IRAK3: variants seen among roughly 807,000 people sequenced by gnomAD.
IRAK3 encodes the protein interleukin-1 receptor-associated kinase 3.
Under a neutral mutation model 56.6 loss-of-function variants are expected in IRAK3, and 57 were observed. That is an observed-to-expected ratio of 1.01 (90% CI 0.81 to 1.26). The LOEUF is 1.26. Among genes scored for constraint, IRAK3 ranks in the 50% most tolerant of loss-of-function variants. The probability of loss-of-function intolerance (pLI) is 0.00; values close to 1 mark genes in which losing one functional copy is unlikely to be tolerated. For missense variants in IRAK3, 703 were observed against 719.0 expected, an observed-to-expected ratio of 0.98 and a Z score of 0.25; for synonymous variants, 258 against 255.7, an observed-to-expected ratio of 1.01 and a Z score of -0.09.
intron 6 of IRAK3, among the ~76,000 whole-genome samples, chr12:66,225,215 C>A (rs1325050269): frequency 6.6e-6 from 1 of 152,068 alleles, no homozygotes; most frequent in Non-Finnish European, 1.5e-5. Flanking sequence ...GGAGAACCAA[C>A]CAGGTATACA....
Position 66,195,043 on chromosome 12 carries a change from C to T in IRAK3, c.133+5611C>T, listed in dbSNP as rs2052437917. 1.3e-5 allele frequency among the ~76,000 whole-genome samples: 2 copies of T among 152,148 alleles called. 1 individual carries two copies. The highest frequency in any genetic ancestry group is 2.9e-5 in the Non-Finnish European group (2 of 68,024). On this transcript the variant is annotated intron_variant, in intron 1 of 11. Transcript: ENST00000261233. The stretch of plus-strand genomic sequence containing the variant: ...TTCATCCATCTATTTGCCTATTTGA[C>T]AGACATCTCCAATTTAACAGCTCAG...
chr12:66,229,317 C>T (rs190289325), intron 8 of IRAK3, among the ~76,000 whole-genome samples: 2 of 152,190 alleles, frequency 1.3e-5, no homozygotes, highest in African/African-American at 4.8e-5. Flanking sequence ...AGTAAATACC[C>T]CCTGTCGGTG....
chr12:66,238,132 A>G (rs1410565007), intron 8 of IRAK3, among the ~76,000 whole-genome samples: 1 of 152,182 alleles, frequency 6.6e-6, no homozygotes, highest in Non-Finnish European at 1.5e-5. Context: ...GGACTCAGAT[A>G]AAAATAAAGC....
chr12:66,217,928 A>G (rs2052694609), intron 6 of IRAK3, among the ~76,000 whole-genome samples: 1 of 152,214 alleles, frequency 6.6e-6, no homozygotes, highest in African/African-American at 2.4e-5. Context: ...AAAATAGTAG[A>G]GGCTAATCAT....
Position 66,251,390 on chromosome 12 carries a change from A to C in IRAK3, c.*3219A>C, listed in dbSNP as rs1215463310. 1 of 152,198 alleles carries C rather than the reference A, an allele frequency of 6.6e-6. No homozygotes were observed. Among genetic ancestry groups the C allele is most frequent in the African/African-American group, 2.4e-5 (1 of 41,460 alleles). 9.4% of individuals were successfully genotyped at this position (152,198 alleles called of 1,614,324 possible). On this transcript the variant is annotated 3_prime_UTR_variant, in exon 12 of 12. Transcript: ENST00000261233. The stretch of plus-strand genomic sequence containing the variant: ...TTATAGTTTCATGATGTGGAGACCA[A>C]GATACATAAGAAAGCAAGAATGAGT...
Position 66,197,541 on chromosome 12 carries a change from A to C in IRAK3, c.134-6170A>C, listed in dbSNP as rs2052466596. 3.0e-6 allele frequency: 3 copies of C among 985,310 alleles called. No individual in the cohort carries two copies. In the South Asian group the frequency reaches 1.4e-4, roughly 46 times the overall value. The allele number at this position is 985,310 out of a possible 1,614,324, so 61.0% of individuals were successfully genotyped here. ...ATTAGAGAAAAGCTATTAAGGTTGC[A>C]GTGTGAATCACCAGTTGGAAAAAGA... On this transcript the variant is annotated intron_variant, in intron 1 of 11. Transcript: ENST00000261233.
At chr12:66,194,899 C>T (rs922031254) in intron 1 of IRAK3, among the ~76,000 whole-genome samples, 3 of 151,954 alleles carry the variant, frequency 2.0e-5, no homozygotes, top group Non-Finnish European at 2.9e-5. Context: ...AATGTCTTAG[C>T]GTGCCCCTGG....
At chr12:66,218,707 G>T (rs1053238997) in intron 6 of IRAK3, among the ~76,000 whole-genome samples, 9 of 152,128 alleles carry the variant, frequency 5.9e-5, no homozygotes, top group African/African-American at 2.2e-4. Flanking sequence ...TGTACACATT[G>T]TCTAAAGATC....
intron 1 of IRAK3, 60 bp from the exon 2 acceptor site, chr12:66,203,651 A>T (rs1266855427): frequency 2.1e-6 from 3 of 1,454,524 alleles, no homozygotes; most frequent in Non-Finnish European, 2.9e-6. Flanking sequence ...GGTACACAAA[A>T]ACAAGTATTT....
intron 1 of IRAK3, among the ~76,000 whole-genome samples, chr12:66,193,046 T>C (rs909185728): frequency 6.6e-6 from 1 of 152,156 alleles, no homozygotes; most frequent in African/African-American, 2.4e-5. Context: ...TCGCTCTTGT[T>C]GCCTAGGCTG....
chr12:66,220,815 C>T (rs575208417), intron 6 of IRAK3, among the ~76,000 whole-genome samples: 40 of 152,178 alleles, frequency 2.6e-4, no homozygotes, highest in South Asian at 4.1e-4. Flanking sequence ...CCACCGCGCC[C>T]GGCCTGTTCT....
rs1186571090 is a variant in IRAK3, at chr12:66,252,637, C to G, written c.*4466C>G. 1 of 152,158 alleles carries G rather than the reference C, an allele frequency of 6.6e-6. No individual in the cohort carries two copies. The highest frequency in any genetic ancestry group is 1.5e-5 in the Non-Finnish European group (1 of 68,042). 9.4% of individuals were successfully genotyped at this position (152,158 alleles called of 1,614,324 possible). On this transcript the variant is annotated 3_prime_UTR_variant, in exon 12 of 12. Transcript: ENST00000261233. ...CTGGGGCTACAGTGCAGATGGAAAC[C>G]AGCAAAGCTCACTGCCCTCATGGAG...
At chr12:66,239,512 G>C (rs1221907079) in intron 8 of IRAK3, among the ~76,000 whole-genome samples, 1 of 152,104 alleles carries the variant, frequency 6.6e-6, no homozygotes, top group Admixed American at 6.5e-5. Context: ...TTGGAGCCCA[G>C]CTCAGTGTTT....
chr12:66,218,532 G>A (rs975710523), intron 6 of IRAK3, among the ~76,000 whole-genome samples: 3 of 152,166 alleles, frequency 2.0e-5, no homozygotes, highest in Non-Finnish European at 2.9e-5. Flanking sequence ...TCATATGAGA[G>A]TGCCTGGTTT....
intron 8 of IRAK3, 44 bp from the exon 9 acceptor site, chr12:66,244,442 C>T: frequency 3.6e-6 from 5 of 1,403,966 alleles, no homozygotes; most frequent in Non-Finnish European, 5.1e-6. Flanking sequence ...CACTGAAGTG[C>T]CTTTATGATA....
chr12:66,235,695 G>A (rs2052900836), intron 8 of IRAK3, among the ~76,000 whole-genome samples: 1 of 152,134 alleles, frequency 6.6e-6, no homozygotes. Context: ...AGATTAAGTG[G>A]AAAAGACCAA....
chr12:66,204,276 T>C (rs1165804010), intron 2 of IRAK3, among the ~76,000 whole-genome samples: 2 of 152,234 alleles, frequency 1.3e-5, no homozygotes, highest in Admixed American at 1.3e-4. Flanking sequence ...TGCTATTCTT[T>C]GTTTTACTAT....
At chr12:66,195,480 T>C (rs1264483095) in intron 1 of IRAK3, among the ~76,000 whole-genome samples, 2 of 152,314 alleles carry the variant, frequency 1.3e-5, no homozygotes, top group East Asian at 3.9e-4. Flanking sequence ...GAGCAAACCC[T>C]GAAGTCCTGT....
At chr12:66,202,640 A>G (rs1565799714) in intron 1 of IRAK3, among the ~76,000 whole-genome samples, 1 of 151,716 alleles carries the variant, frequency 6.6e-6, no homozygotes, top group Non-Finnish European at 1.5e-5. Context: ...AAACCCACAC[A>G]AATACAAAAA....
Sources: allele counts gnomAD v4.1 joint callset (sites outside exome capture counted in the v4.1 genomes callset), GRCh38; gene constraint gnomAD v4.1.1; transcripts MANE v1.5; gene names NCBI Gene and HGNC (gene_info 2026-07-23, HGNC 2026-07-21).